The following DDX60 variants were observed in gnomAD, a reference collection of about 807,000 sequenced individuals.
DDX60 encodes the protein probable ATP-dependent RNA helicase DDX60.
A neutral mutation model predicts 212.8 loss-of-function variants in DDX60; 165 were observed. That is an observed-to-expected ratio of 0.78 (90% CI 0.68 to 0.88). The LOEUF is 0.88. DDX60 is among the 40% of genes least tolerant of loss of function. The pLI, the probability that DDX60 is intolerant of heterozygous loss-of-function variation, is 0.00. For missense variants in DDX60, 1,905 were observed against 2,003.9 expected (o/e 0.95, Z 0.94); for synonymous variants, 703 against 685.3 (o/e 1.03, Z -0.40).
rs764306416 is a variant in DDX60 at position 168,311,240 on chromosome 4, T to G, written c.4+16A>C. The G allele has an allele frequency of 6.2e-7, 1 of 1,611,442 alleles. No homozygotes were observed. Among genetic ancestry groups the G allele is most frequent in the Non-Finnish European group, 8.5e-7 (1 of 1,178,894 alleles). ...CATTGTTTTATAATCTATAAATATT[T>G]TAAGTGGAAAATTACCCATTCTTGC... On this transcript the variant is annotated intron_variant, in intron 2 of 37. Transcript: ENST00000393743.
intron 29 of DDX60, among the ~76,000 whole-genome samples, chr4:168,246,948 T>A (rs72693127): frequency 0.036 from 5,477 of 152,302 alleles, 138 homozygotes; most frequent in Non-Finnish European, 0.054. Context: ...CACTTACAGC[T>A]GAACTCTAAT....
At chr4:168,305,327 T>C (rs1434867608) in intron 5 of DDX60, among the ~76,000 whole-genome samples, 3 of 152,160 alleles carry the variant, frequency 2.0e-5, no homozygotes, top group African/African-American at 4.8e-5. Context: ...GCTTATTTTA[T>C]GGCAACCATG....
intron 1 of DDX60, among the ~76,000 whole-genome samples, chr4:168,314,193 C>A (rs555863373): frequency 6.6e-6 from 1 of 152,222 alleles, no homozygotes; most frequent in South Asian, 2.1e-4. Flanking sequence ...ACCCTATTAA[C>A]CTCTGCCCCA....
chr4:168,323,600 A>C (rs1737646019), upstream of DDX60, among the ~76,000 whole-genome samples: 1 of 152,228 alleles, frequency 6.6e-6, no homozygotes, highest in South Asian at 2.1e-4. Flanking sequence ...CACATTCATT[A>C]ATGTCTAGAA....
At chr4:168,274,615 C>T (rs1216386127) in intron 16 of DDX60, among the ~76,000 whole-genome samples, 1 of 152,136 alleles carries the variant, frequency 6.6e-6, no homozygotes, top group African/African-American at 2.4e-5. Context: ...CCCGGCCACA[C>T]CTCAGCGTGA....
At position 168,285,896 on chromosome 4, in the gene DDX60, AAAGGAAGG is replaced by A. The variant is rs368802134; in HGVS notation, c.1340-406_1340-399del. Among the ~76,000 whole-genome samples, 228 of 114,756 alleles carry A rather than the reference AAAGGAAGG, an allele frequency of 2.0e-3. 1 individual carries two copies. The highest frequency in any genetic ancestry group is 4.7e-3 in the Middle Eastern group (1 of 214). 75.3% of individuals were successfully genotyped at this position (114,756 alleles called of 152,430 possible). A position where few individuals can be genotyped will look rare whatever the true frequency, so the allele number is the denominator to read the frequency against. The stretch of plus-strand genomic sequence containing the variant: ...GGGAAGAAGAAAGGAAGGAGGGAAG[AAAGGAAGG>A]AAGGAAGGAAGGAAGGAAGGAAGGA... On this transcript the variant is annotated intron_variant, in intron 10 of 37. Coordinates refer to ENST00000393743, the MANE Select transcript of DDX60 (RefSeq NM_017631.6).
rs1735772795 is a variant in DDX60, at chr4:168,285,292, C to T, written c.1445+101G>A. 7 of 736,512 alleles carry T rather than the reference C, an allele frequency of 9.5e-6. No homozygotes were observed. The Admixed American group carries it at 1.1e-4, about 12-fold the overall frequency. 45.6% of individuals were successfully genotyped at this position (736,512 alleles called of 1,614,324 possible). A position where few individuals can be genotyped will look rare whatever the true frequency, so the allele number is the denominator to read the frequency against. On this transcript the variant is annotated intron_variant, in intron 11 of 37. Coordinates refer to ENST00000393743, the MANE Select transcript of DDX60 (RefSeq NM_017631.6). ...CATTATGTATTACAAACACATACTACATGTAATGTACTCTAATCGTCTGCA... is the reference window on the plus strand; with the variant it reads ...CATTATGTATTACAAACACATACTATATGTAATGTACTCTAATCGTCTGCA...
At chr4:168,280,649 T>C in intron 13 of DDX60, 59 bp from the exon 14 acceptor site, 1 of 1,524,888 alleles carries the variant, frequency 6.6e-7, no homozygotes, top group East Asian at 2.3e-5. Context: ...AGATAACAGG[T>C]CATGAGTGAG....
intron 32 of DDX60, 75 bp from the exon 33 acceptor site, chr4:168,236,448 A>G: frequency 2.3e-6 from 3 of 1,312,292 alleles, no homozygotes; most frequent in Non-Finnish European, 2.1e-6. Context: ...ATGGAATGTC[A>G]TATTACATTT....
At chr4:168,238,479 G>C (rs372285907) in intron 30 of DDX60, among the ~76,000 whole-genome samples, 1 of 123,712 alleles carries the variant, frequency 8.1e-6, no homozygotes, top group Non-Finnish European at 1.8e-5. Context: ...GAAGGGAAGG[G>C]AAGGGGAGAA....
intron 28 of DDX60, among the ~76,000 whole-genome samples, chr4:168,249,052 G>A (rs115276554): frequency 0.031 from 4,713 of 152,132 alleles, 228 homozygotes; most frequent in African/African-American, 0.11. Flanking sequence ...GAGCCACTGC[G>A]CCAGGCCCAG....
rs1422864854 is a variant in DDX60 at position 168,283,688 on chromosome 4, C to A, written c.1562-82G>T. On this transcript the variant is annotated intron_variant, in intron 12 of 37. Coordinates refer to ENST00000393743, the MANE Select transcript of DDX60 (RefSeq NM_017631.6). ...ATCAATTCTTCATATTATTCCACAT[C>A]CAGTAGTTAAATTAGTGGAAAAGTA... 9 of 1,004,658 alleles carry A rather than the reference C, an allele frequency of 9.0e-6. No homozygotes were observed. In the East Asian group the frequency reaches 1.8e-4, roughly 20 times the overall value. The allele number at this position is 1,004,658 out of a possible 1,614,324, so 62.2% of individuals were successfully genotyped here.
chr4:168,252,794 A>ATTATT (rs139092828), intron 26 of DDX60, 138 bp from the exon 27 acceptor site: 72 of 529,324 alleles, frequency 1.4e-4, no homozygotes, highest in East Asian at 4.0e-4. Flanking sequence ...GTGCATCTTT[A>ATTATT]TTATTTTATT....
Position 168,233,859 on chromosome 4 carries a change from T to TA in DDX60, c.4533+2392dup, listed in dbSNP as rs1023349853. Among the ~76,000 whole-genome samples the TA allele has an allele frequency of 2.7e-4, 40 of 150,578 alleles. 2 individuals carry two copies. Among genetic ancestry groups the TA allele is most frequent in the South Asian group, 2.1e-3 (10 of 4,772 alleles). On this transcript the variant is annotated intron_variant, in intron 33 of 37. Transcript: ENST00000393743. ...ACTGTTTCTCCAAAACCTACTGAAA[T>TA]AAAAAAAAATACCAAAAAAATTCAT...
intron 4 of DDX60, 86 bp from the exon 5 acceptor site, chr4:168,306,806 G>A: frequency 2.0e-6 from 2 of 1,020,426 alleles, no homozygotes; most frequent in South Asian, 3.1e-5. Context: ...AGGCACTGAA[G>A]GAATAAAATC....
At chr4:168,218,395 A>AT (rs897764739) in intron 37 of DDX60, among the ~76,000 whole-genome samples, 8 of 152,012 alleles carry the variant, frequency 5.3e-5, no homozygotes, top group African/African-American at 1.7e-4. Context: ...AACTGCATAA[A>AT]TTTTTTTACC....
At chr4:168,299,548 C>T (rs1022216079) in intron 6 of DDX60, among the ~76,000 whole-genome samples, 3 of 151,340 alleles carry the variant, frequency 2.0e-5, no homozygotes, top group African/African-American at 7.3e-5. Flanking sequence ...AACAGACAAA[C>T]CACTAGCTAA....
intron 15 of DDX60, 38 bp from the exon 16 acceptor site, chr4:168,275,541 G>C (rs1169688082): frequency 2.0e-6 from 3 of 1,504,618 alleles, no homozygotes; most frequent in Non-Finnish European, 1.8e-6. Flanking sequence ...AAATGACATT[G>C]AATTAGAATA....
intron 33 of DDX60, among the ~76,000 whole-genome samples, chr4:168,231,528 G>A (rs1733455161): frequency 6.6e-6 from 1 of 152,024 alleles, no homozygotes; most frequent in African/African-American, 2.4e-5. Flanking sequence ...GATCAAGTGA[G>A]TTTCATACTA....
Sources: gnomAD v4.1 joint callset for allele counts (sites outside exome capture counted in the v4.1 genomes callset) on GRCh38, gnomAD v4.1.1 for gene constraint, MANE v1.5 for transcripts, NCBI Gene and HGNC (gene_info 2026-07-23, HGNC 2026-07-21) for gene names.